HEATR4: variants seen among roughly 807,000 people sequenced by gnomAD.
HEATR4 encodes the protein HEAT repeat containing 4, also known as HEAT repeat-containing protein 4.
A neutral mutation model predicts 108.8 loss-of-function variants in HEATR4; 95 were observed. That is an observed-to-expected ratio of 0.87 (90% CI 0.74 to 1.04). HEATR4 has a LOEUF of 1.04. Ranked by LOEUF, HEATR4 falls within the 50% of genes least tolerant of loss-of-function variation. The probability of loss-of-function intolerance (pLI) is 0.00; values close to 1 mark genes in which losing one functional copy is unlikely to be tolerated. For missense variants in HEATR4, 1,152 were observed against 1,253.8 expected (o/e 0.92, Z 1.23); for synonymous variants, 443 against 459.4 (o/e 0.96, Z 0.46).
intron 8 of HEATR4, 150 bp downstream of exon 8, chr14:73,509,162 T>C: frequency 2.6e-6 from 2 of 759,144 alleles, no homozygotes; most frequent in Non-Finnish European, 4.3e-6. Flanking sequence ...CGACAGTGTC[T>C]GGTCCTAATT....
intron 2 of HEATR4, among the ~76,000 whole-genome samples, chr14:73,526,688 G>A (rs191594580): frequency 2.5e-4 from 38 of 152,322 alleles, no homozygotes; most frequent in African/African-American, 8.7e-4. Flanking sequence ...CCTACCCTGC[G>A]CCAGAAGGGA....
At chr14:73,625,471 A>AC in the HEATR4 span, among the ~76,000 whole-genome samples, 2 of 151,774 alleles carry the variant, frequency 1.3e-5, no homozygotes, top group Non-Finnish European at 2.9e-5. Context: ...AAGCAATTCT[A>AC]CTGCCTCAGC....
the HEATR4 span, chr14:73,591,734 G>A: frequency 1.7e-5 from 7 of 418,932 alleles, no homozygotes; most frequent in South Asian, 2.1e-4. Context: ...GCGCCCCGGG[G>A]CCCAAGGAGA....
intron 17 of HEATR4, among the ~76,000 whole-genome samples, chr14:73,486,565 G>A (rs1768407538): frequency 6.6e-6 from 1 of 152,146 alleles, no homozygotes; most frequent in African/African-American, 2.4e-5. Context: ...GGGTGTGGTG[G>A]CCTGCGCCTG....
chr14:73,598,621 C>T, the HEATR4 span, among the ~76,000 whole-genome samples: 1 of 152,116 alleles, frequency 6.6e-6, no homozygotes, highest in East Asian at 1.9e-4. Context: ...AATCCCAGCA[C>T]TTTGAGAGGC....
At chr14:73,559,825 G>A (rs1010931114), upstream of HEATR4, among the ~76,000 whole-genome samples, 1 of 152,088 alleles carries the variant, frequency 6.6e-6, no homozygotes, top group Non-Finnish European at 1.5e-5. Context: ...CTGAGAAAGA[G>A]GCAAAGCAGG....
the HEATR4 span, among the ~76,000 whole-genome samples, chr14:73,618,824 G>C: frequency 6.6e-6 from 1 of 152,074 alleles, no homozygotes; most frequent in East Asian, 1.9e-4. Flanking sequence ...CGGAAGGAAA[G>C]CAAATGATAG....
chr14:73,565,819 G>T, the HEATR4 span, among the ~76,000 whole-genome samples: 1 of 152,038 alleles, frequency 6.6e-6, no homozygotes, highest in African/African-American at 2.4e-5. Flanking sequence ...GCAGCAGTAA[G>T]ATTTATTGCA....
chr14:73,569,794 C>G, the HEATR4 span: 68 of 1,574,120 alleles, frequency 4.3e-5, 1 homozygote, highest in Non-Finnish European at 3.9e-5. Flanking sequence ...CTGTGCCAGA[C>G]GCGGCACGAG....
intron 8 of HEATR4, among the ~76,000 whole-genome samples, chr14:73,508,751 CAAAAAAAAAAAAA>C (rs770608293): frequency 5.2e-5 from 3 of 57,882 alleles, no homozygotes; most frequent in Non-Finnish European, 9.7e-5. Flanking sequence ...AACTCTGTCT[CAAAAAAAAAAAAA>C]AAAAAAAAAA....
the HEATR4 span, chr14:73,575,660 G>A: frequency 7.8e-7 from 1 of 1,277,164 alleles, no homozygotes; most frequent in Non-Finnish European, 1.1e-6. Context: ...CAGTAAGAAT[G>A]AGTTTTTAAG....
At chr14:73,598,217 C>CAAAAAAA in the HEATR4 span, among the ~76,000 whole-genome samples, 25 of 54,906 alleles carry the variant, frequency 4.6e-4, 1 homozygote, top group East Asian at 3.4e-3. Flanking sequence ...ACTAAAAATA[C>CAAAAAAA]AAAAAAAAAA....
the HEATR4 span, among the ~76,000 whole-genome samples, chr14:73,565,359 A>C: frequency 4.8e-3 from 726 of 151,166 alleles, 12 homozygotes; most frequent in African/African-American, 0.016. Context: ...CAGATTTCAA[A>C]GGTATGAACC....
upstream of HEATR4, among the ~76,000 whole-genome samples, chr14:73,563,581 C>T (rs1287590601): frequency 2.6e-5 from 4 of 151,722 alleles, no homozygotes; most frequent in South Asian, 2.1e-4. Context: ...GGGGATAGAG[C>T]GAGACTCCAA....
chr14:73,506,818 T>TGTTTTTTTTTTTTTTG (rs200680072), intron 9 of HEATR4, among the ~76,000 whole-genome samples: 1 of 136,734 alleles, frequency 7.3e-6, no homozygotes, highest in Non-Finnish European at 1.5e-5. Flanking sequence ...TTTTTTTTTT[T>TGTTTTTTTTTTTTTTG]TTTTTTTCTG....
At chr14:73,500,512 T>G in intron 12 of HEATR4, 38 bp downstream of exon 12, 1 of 1,590,612 alleles carries the variant, frequency 6.3e-7, no homozygotes, top group Non-Finnish European at 8.6e-7. Context: ...CCTCTTCAGG[T>G]CAATCAGGTA....
chr14:73,486,275 C>G (rs1885448608), intron 17 of HEATR4, among the ~76,000 whole-genome samples: 1 of 152,200 alleles, frequency 6.6e-6, no homozygotes, highest in Non-Finnish European at 1.5e-5. Context: ...TAAATGACCC[C>G]TGGGGGTGCA....
chr14:73,576,528 G>A, the HEATR4 span, among the ~76,000 whole-genome samples: 33 of 151,538 alleles, frequency 2.2e-4, no homozygotes, highest in South Asian at 4.2e-4. Flanking sequence ...TAGGCTTGGC[G>A]TTGGTGACTC....
Position 73,556,322 on chromosome 14 carries a change from G to A in HEATR4, c.-152+2429C>T, listed in dbSNP as rs1247041105. Among the ~76,000 whole-genome samples the A allele has an allele frequency of 6.3e-5, 7 of 111,802 alleles. 3 individuals carry two copies. Among genetic ancestry groups the A allele is most frequent in the Non-Finnish European group, 5.9e-5 (3 of 51,222 alleles). 73.3% of individuals were successfully genotyped at this position (111,802 alleles called of 152,430 possible). A position where few individuals can be genotyped will look rare whatever the true frequency, so the allele number is the denominator to read the frequency against. ...CACCCGTAATCCCAGCTACTCAGGA[G>A]GCTGAGGCAGGAGAATCGCTTGAAC... On this transcript the variant is annotated intron_variant, in intron 1 of 17. Coordinates refer to ENST00000553558, the MANE Select transcript of HEATR4 (RefSeq NM_001220484.1).
Sources: allele counts gnomAD v4.1 joint callset (sites outside exome capture counted in the v4.1 genomes callset), GRCh38; gene constraint gnomAD v4.1.1; transcripts MANE v1.5; gene names NCBI Gene and HGNC (gene_info 2026-07-23, HGNC 2026-07-21).